Variants in OTOF observed in about 807,000 individuals in gnomAD.
OTOF encodes fer-1-like family member 2.
OTOF carries 218 observed loss-of-function variants against 236.8 expected under a neutral mutation model. The ratio of observed to expected loss-of-function variants is 0.92; its 90% confidence interval spans 0.82 to 1.03. OTOF has a LOEUF of 1.03. Ranked by LOEUF, OTOF falls within the 50% of genes least tolerant of loss-of-function variation. OTOF has a pLI of 0.00. For synonymous variants in OTOF, 1,041 were observed against 1,072.5 expected, an observed-to-expected ratio of 0.97 and a Z score of 0.57; for missense variants, 2,590 against 2,694.4, an observed-to-expected ratio of 0.96 and a Z score of 0.86.
chr2:26,477,715 T>G lies in OTOF; in HGVS notation c.2249A>C (p.Lys750Thr), dbSNP rs1378644173. The change falls in exon 19 of 47, where the codon AAA (lysine) becomes ACA (threonine). Residue 750 changes from lysine (K) to threonine (T), a missense_variant. Physicochemically the swap from Lys to Thr is moderately conservative, Grantham distance 78. Around this residue, in one of 2 missense-constraint regions of OTOF, gnomAD observed 1,379 missense variants for 1,341.6 expected, o/e 1.03. Coordinates refer to ENST00000272371, the MANE Select transcript of OTOF (RefSeq NM_194248.3). The surrounding 1 kb of genome is among the most constrained non-coding windows in gnomAD (Gnocchi z 4.7). ...ACGCTCAGGGTAGGACTTCTCCGTT[T>G]TGATCATCTCCTGTATGTCGTTCAG... is the stretch of plus-strand genomic sequence containing the variant. ...EGLNDIQEMI[K>T]TEKSYPERRL... is the part of the protein sequence containing the mutation. The G allele has an allele frequency of 6.2e-7, 1 of 1,612,754 alleles. No individual in the cohort carries two copies. The highest frequency in any genetic ancestry group is 8.5e-7 in the Non-Finnish European group (1 of 1,179,974).
At chr2:26,511,039 C>T (rs911796847) in intron 5 of OTOF, among the ~76,000 whole-genome samples, 1 of 152,246 alleles carries the variant, frequency 6.6e-6, no homozygotes, top group African/African-American at 2.4e-5. Flanking sequence ...CAGCTCATCG[C>T]CCCTACCAGG....
chr2:26,558,689 C>A lies in OTOF; in HGVS notation c.-118G>T. On this transcript the variant is annotated 5_prime_UTR_variant, in exon 1 of 47. Transcript: ENST00000272371. ...CTGCCTCCTCCTCCTCCTCCCGACC[C>A]CCCTCCGATGCTGCCCACAGAGACC... 1 of 859,222 alleles carries A rather than the reference C, an allele frequency of 1.2e-6. No homozygotes were observed. The highest frequency in any genetic ancestry group is 2.7e-5 in the East Asian group (1 of 37,432). 53.2% of individuals were successfully genotyped at this position (859,222 alleles called of 1,614,324 possible). A position where few individuals can be genotyped will look rare whatever the true frequency, so the allele number is the denominator to read the frequency against.
intron 3 of OTOF, 25 bp downstream of exon 3, chr2:26,527,807 C>T: frequency 6.5e-7 from 1 of 1,548,516 alleles, no homozygotes; most frequent in East Asian, 2.2e-5. Flanking sequence ...CAGGCCCAGC[C>T]CCTCCTGCCC....
chr2:26,489,227 G>A lies in OTOF; in HGVS notation c.1029C>T (p.Thr343=), dbSNP rs780931457. 1.4e-5 allele frequency: 23 copies of A among 1,612,198 alleles called. No homozygotes were observed. Among genetic ancestry groups the A allele is most frequent in the Non-Finnish European group, 1.9e-5 (22 of 1,179,306 alleles). The change falls in exon 11 of 47, where the codon ACC becomes ACT. Residue 343 remains threonine, a synonymous_variant. Coordinates refer to ENST00000272371, the MANE Select transcript of OTOF (RefSeq NM_194248.3). ...GGTACTCACCTGGCTGCGAGTACAC[G>A]GTTCCCACGTCCATTTTGAAGGAGC... ...LVGSFKMDVG[T]VYSQPEHQFH...
intron 2 of OTOF, among the ~76,000 whole-genome samples, chr2:26,535,248 A>G (rs1177673150): frequency 6.6e-6 from 1 of 152,194 alleles, no homozygotes; most frequent in Non-Finnish European, 1.5e-5. Flanking sequence ...GGTCTAATCT[A>G]TGCATGAATT....
intron 38 of OTOF, 25 bp from the exon 39 acceptor site, chr2:26,465,054 G>C: frequency 1.4e-6 from 2 of 1,459,070 alleles, no homozygotes; most frequent in Non-Finnish European, 1.8e-6. Flanking sequence ...ACACAGGCTT[G>C]GAGGGGCTGG....
At chr2:26,516,272 T>A in intron 5 of OTOF, 146 bp downstream of exon 5, 1 of 771,890 alleles carries the variant, frequency 1.3e-6, no homozygotes, top group Non-Finnish European at 2.1e-6. Context: ...AGAAACATCT[T>A]CCCACCCCTT....
At chr2:26,509,501 C>T (rs115564282) in intron 5 of OTOF, among the ~76,000 whole-genome samples, 2,487 of 152,264 alleles carry the variant, frequency 0.016, 19 homozygotes, top group Middle Eastern at 0.041. Context: ...GTAACAAATG[C>T]GAGTTAGAAC....
At chr2:26,486,259 T>G (rs1572442289) in intron 11 of OTOF, among the ~76,000 whole-genome samples, 1 of 82,774 alleles carries the variant, frequency 1.2e-5, no homozygotes, top group African/African-American at 4.9e-5. Context: ...GATGGGTGGG[T>G]GGGTGGATGG....
chr2:26,485,076 C>T (rs1665669550), intron 11 of OTOF, among the ~76,000 whole-genome samples: 1 of 152,212 alleles, frequency 6.6e-6, no homozygotes, highest in Non-Finnish European at 1.5e-5. Context: ...AAAGGCATGG[C>T]CTGCAGGCTC....
intron 16 of OTOF, 52 bp downstream of exon 16, chr2:26,480,151 C>T (rs186712597): frequency 1.1e-5 from 11 of 1,046,256 alleles, no homozygotes; most frequent in South Asian, 1.0e-4. Context: ...CTGAAGCCCC[C>T]GTGGGCCCAG....
rs374636663 is a variant in OTOF, at chr2:26,473,567, C to G, written c.3409G>C (p.Val1137Leu). ...RPVLSKYRVE[V>L]LFWGLRDLKR... is the part of the protein sequence containing the mutation. The stretch of plus-strand genomic sequence containing the variant: ...AGGTCCCGTAGGCCCCAGAACAGCA[C>G]CTGGGAGAGGTTGGAGGGTGGGTGC... The change falls in exon 28 of 47, where the codon GTG (valine) becomes CTG (leucine). Residue 1137 changes from valine to leucine, a missense_variant and splice_region_variant. Physicochemically the swap from Val to Leu is conservative, Grantham distance 32. Coordinates refer to ENST00000272371, the MANE Select transcript of OTOF (RefSeq NM_194248.3). This position sits in a 1 kb window ranked among gnomAD's most constrained non-coding sequence, Gnocchi z 7.2. 2 of 1,602,510 alleles carry G rather than the reference C, an allele frequency of 1.2e-6. No homozygotes were observed. The highest frequency in any genetic ancestry group is 1.3e-5 in the African/African-American group (1 of 74,812).
Position 26,460,772 on chromosome 2 carries a change from C to A in OTOF, c.5713-25G>T. On this transcript the variant is annotated intron_variant, in intron 44 of 46. Transcript: ENST00000272371. The surrounding 1 kb of genome is among the most constrained non-coding windows in gnomAD (Gnocchi z 5.3). ...CCTGCAGAGGACAGACAGGTCCCAG[C>A]GTCCAGGCTGCGTGCTGGGCCCTTG... 3.1e-6 allele frequency: 5 copies of A among 1,613,190 alleles called. No homozygotes were observed. Among genetic ancestry groups the A allele is most frequent in the Non-Finnish European group, 4.2e-6 (5 of 1,179,360 alleles).
Position 26,477,541 on chromosome 2 carries a change from G to A in OTOF, c.2316-35C>T. ...GGGCGAGCCGGGGTTTAGCGAGCCT[G>A]ACCAGCAGGGGCTCTGTAGATTCTT... On this transcript the variant is annotated intron_variant, in intron 19 of 46. Transcript: ENST00000272371. This position sits in a 1 kb window ranked among gnomAD's most constrained non-coding sequence, Gnocchi z 4.7. The A allele has an allele frequency of 6.3e-7, 1 of 1,594,066 alleles. No individual in the cohort carries two copies.
chr2:26,476,120 TC>T lies in OTOF; in HGVS notation c.2866+7del. ...AGGTGAGGCTTCGAGTGAGGGGTCC[TC>T]ACTCACTGGTGTAGACCAGGCTGAC... On this transcript the variant is annotated splice_region_variant and intron_variant, in intron 23 of 46. Transcript: ENST00000272371. 1 of 1,610,992 alleles carries T rather than the reference TC, an allele frequency of 6.2e-7. No homozygotes were observed.
rs1665339517 is a variant in OTOF, at chr2:26,477,104, C to T, written c.2524-61G>A. ...GGGGGTCTAGCCTCCTGATTGAGCC[C>T]CCTGATCCTGAGGGGCCCCAGAGAG... On this transcript the variant is annotated intron_variant, in intron 21 of 46. Transcript: ENST00000272371. This position sits in a 1 kb window ranked among gnomAD's most constrained non-coding sequence, Gnocchi z 4.7. The T allele has an allele frequency of 1.3e-6, 2 of 1,563,266 alleles. No homozygotes were observed. The highest frequency in any genetic ancestry group is 1.3e-5 in the African/African-American group (1 of 74,184).
rs1438220210 is a variant in OTOF, at chr2:26,477,409, T to C, written c.2406+7A>G. ...CTCCAGCCCCCGCCGTCCAGTTGCG[T>C]CCTCACCAGCTCCCTCATGCAGGAC... is the stretch of plus-strand genomic sequence containing the variant. On this transcript the variant is annotated splice_region_variant and intron_variant, in intron 20 of 46. Transcript: ENST00000272371. This position sits in a 1 kb window ranked among gnomAD's most constrained non-coding sequence, Gnocchi z 4.7. The C allele has an allele frequency of 7.0e-6, 11 of 1,580,666 alleles. No homozygotes were observed. The highest frequency in any genetic ancestry group is 9.5e-6 in the Non-Finnish European group (11 of 1,163,602).
chr2:26,519,362 A>G (rs1666618688), intron 3 of OTOF, among the ~76,000 whole-genome samples: 1 of 152,194 alleles, frequency 6.6e-6, no homozygotes. Flanking sequence ...CCCTTAGGGG[A>G]TGTCTACAGA....
chr2:26,520,684 G>A (rs1051179454), intron 3 of OTOF, among the ~76,000 whole-genome samples: 2 of 152,224 alleles, frequency 1.3e-5, no homozygotes, highest in Non-Finnish European at 2.9e-5. Flanking sequence ...GCTGGGCTGG[G>A]GGCCAGGAGC....
Sources: allele counts gnomAD v4.1 joint callset (sites outside exome capture counted in the v4.1 genomes callset), GRCh38; gene constraint gnomAD v4.1.1; regional missense constraint gnomAD v4.1.1; non-coding constraint Gnocchi (gnomAD v3.1); transcripts MANE v1.5; gene names NCBI Gene and HGNC (gene_info 2026-07-23, HGNC 2026-07-21).